Variants in WRN observed in about 807,000 individuals in gnomAD.
WRN encodes the protein WRN RecQ like helicase.
In WRN, 149 loss-of-function variants were observed where a neutral mutation model predicts 180.7. That is an observed-to-expected ratio of 0.82 (90% CI 0.72 to 0.94). The LOEUF is 0.94. Ranked by LOEUF, WRN falls within the 40% of genes least tolerant of loss-of-function variation. The pLI, the probability that WRN is intolerant of heterozygous loss-of-function variation, is 0.00. For synonymous variants in WRN, 548 were observed against 568.9 expected (o/e 0.96, Z 0.52); for missense variants, 1,661 against 1,700.1 (o/e 0.98, Z 0.40).
intron 10 of WRN, 91 bp from the exon 11 acceptor site, chr8:31,085,075 A>G (rs1419284377): frequency 1.7e-6 from 2 of 1,186,234 alleles, no homozygotes; most frequent in African/African-American, 3.1e-5. Context: ...AGCTGTCTAA[A>G]GATATCTAGT....
At chr8:31,165,781 G>T (rs11574391) in intron 33 of WRN, among the ~76,000 whole-genome samples, 88 of 151,980 alleles carry the variant, frequency 5.8e-4, no homozygotes, top group African/African-American at 1.8e-3. Flanking sequence ...AAGTAAATTG[G>T]GATACATACA....
chr8:31,093,974 A>C (rs1041685430), intron 16 of WRN, among the ~76,000 whole-genome samples: 3 of 152,226 alleles, frequency 2.0e-5, no homozygotes, highest in Admixed American at 6.5e-5. Context: ...CATTTTATGG[A>C]TATCCAACAA....
rs112233899 is a variant in WRN at position 31,103,927 on chromosome 8, C to T, written c.2088+2972C>T. On this transcript the variant is annotated intron_variant, in intron 18 of 34. Coordinates refer to ENST00000298139, the MANE Select transcript of WRN (RefSeq NM_000553.6). ...TTTTTTGTATTTTTAGTAGAGGCAG[C>T]GTTTCACCGTGTTAGCCAGGATGGT... 1.9e-3 allele frequency among the ~76,000 whole-genome samples: 287 copies of T among 151,878 alleles called. 2 individuals are homozygous for T. Among genetic ancestry groups the T allele is most frequent in the African/African-American group, 6.6e-3 (272 of 41,426 alleles).
chr8:31,141,996 C>T (rs998476355), intron 26 of WRN, among the ~76,000 whole-genome samples: 10 of 151,754 alleles, frequency 6.6e-5, no homozygotes, highest in African/African-American at 2.4e-4. Flanking sequence ...GTTGCTCAAG[C>T]TGGAGTGCAG....
At chr8:31,094,779 A>G (rs1244659528) in intron 16 of WRN, among the ~76,000 whole-genome samples, 1 of 152,226 alleles carries the variant, frequency 6.6e-6, no homozygotes, top group Non-Finnish European at 1.5e-5. Flanking sequence ...CACTTAGCAT[A>G]GTGATATCAG....
chr8:31,156,798 A>C (rs1209156570), intron 32 of WRN, among the ~76,000 whole-genome samples: 1 of 152,236 alleles, frequency 6.6e-6, no homozygotes, highest in East Asian at 1.9e-4. Context: ...GAAGTTCAAT[A>C]GTAGGAAAAT....
chr8:31,091,982 G>A (rs1361663871), intron 16 of WRN, 84 bp downstream of exon 16: 2 of 1,258,618 alleles, frequency 1.6e-6, no homozygotes, highest in East Asian at 4.8e-5. Flanking sequence ...ATTACATGTT[G>A]CTGAGGAAGT....
chr8:31,059,336 T>C lies in WRN; in HGVS notation c.209+71T>C. ...GAAGGTACTATTATGGTAATGTTTG[T>C]GAATATACTGAGTTTTACAGGTGAG... is the stretch of plus-strand genomic sequence containing the variant. On this transcript the variant is annotated intron_variant, in intron 3 of 34. Transcript: ENST00000298139. The C allele has an allele frequency of 5.6e-6, 7 of 1,257,752 alleles. No homozygotes were observed. In the East Asian group the frequency reaches 1.4e-4, roughly 25 times the overall value. 77.9% of individuals were successfully genotyped at this position (1,257,752 alleles called of 1,614,324 possible). A position where few individuals can be genotyped will look rare whatever the true frequency, so the allele number is the denominator to read the frequency against.
chr8:31,120,178 G>A lies in WRN; in HGVS notation c.2449-65G>A. The A allele has an allele frequency of 3.8e-6, 6 of 1,579,366 alleles. No individual in the cohort carries two copies. The East Asian group carries it at 6.7e-5, about 18-fold the overall frequency. On this transcript the variant is annotated intron_variant, in intron 20 of 34. Transcript: ENST00000298139. ...ACGAACAAATTATTCTTACAAAAAGGTATAAATGTAAGGTTTTCATTCTGC... is the reference window on the plus strand; with the variant it reads ...ACGAACAAATTATTCTTACAAAAAGATATAAATGTAAGGTTTTCATTCTGC...
At chr8:31,152,530 A>AT (rs779224838) in intron 31 of WRN, among the ~76,000 whole-genome samples, 4 of 152,066 alleles carry the variant, frequency 2.6e-5, no homozygotes, top group Non-Finnish European at 4.4e-5. Flanking sequence ...TGTTTGATAT[A>AT]TCCCACAATA....
chr8:31,165,680 T>C (rs1244528336), intron 33 of WRN, among the ~76,000 whole-genome samples: 1 of 152,142 alleles, frequency 6.6e-6, no homozygotes, highest in African/African-American at 2.4e-5. Flanking sequence ...TGTTTAGCTT[T>C]TGTAAAATTT....
intron 24 of WRN, among the ~76,000 whole-genome samples, chr8:31,136,564 G>A (rs1802403687): frequency 6.6e-6 from 1 of 152,138 alleles, no homozygotes; most frequent in Non-Finnish European, 1.5e-5. Context: ...AATGGACATG[G>A]TAGCTCACAC....
chr8:31,126,312 G>C (rs1274074519), intron 23 of WRN, among the ~76,000 whole-genome samples: 1 of 152,092 alleles, frequency 6.6e-6, no homozygotes, highest in African/African-American at 2.4e-5. Flanking sequence ...GACTAGAATG[G>C]AATTAAACTA....
In WRN at chr8:31,067,043, C is replaced by A. The variant is rs777437332; in HGVS notation, c.515C>A (p.Thr172Lys). The A allele has an allele frequency of 3.1e-6, 5 of 1,613,646 alleles. No individual in the cohort carries two copies. In the Admixed American group the frequency reaches 8.3e-5, roughly 27 times the overall value. Reference sequence around the variant, plus strand: ...TTTCATCATTTCTAGCTGAAATGCACAGAGACCTGGAGCCTTAACAGTCTG... The same window carrying A: ...TTTCATCATTTCTAGCTGAAATGCAAAGAGACCTGGAGCCTTAACAGTCTG... ...TDVANKKLKC[T>K]ETWSLNSLVK... is the part of the protein sequence containing the mutation. The change falls in exon 6 of 35, where the codon ACA becomes AAA. Residue 172 changes from threonine to lysine, a missense_variant. Thr to Lys is a moderately conservative substitution (Grantham distance 78). Around this residue, in one of 3 missense-constraint regions of WRN, gnomAD observed 500 missense variants for 504.1 expected, o/e 0.99. Coordinates refer to ENST00000298139, the MANE Select transcript of WRN (RefSeq NM_000553.6).
At chr8:31,169,566 G>C (rs1804026909) in intron 34 of WRN, among the ~76,000 whole-genome samples, 1 of 152,024 alleles carries the variant, frequency 6.6e-6, no homozygotes, top group Non-Finnish European at 1.5e-5. Flanking sequence ...AGTCTTTCTG[G>C]TGTCAAAGAT....
chr8:31,116,842 A>AG (rs1801542025), intron 20 of WRN, among the ~76,000 whole-genome samples: 1 of 152,262 alleles, frequency 6.6e-6, no homozygotes, highest in Admixed American at 6.5e-5. Context: ...GTAGGTGATG[A>AG]GGGGAAAGGA....
chr8:31,063,314 C>T (rs987212595), intron 3 of WRN, among the ~76,000 whole-genome samples: 1 of 152,168 alleles, frequency 6.6e-6, no homozygotes, highest in Non-Finnish European at 1.5e-5. Flanking sequence ...TCCATTTTAA[C>T]TGTTATATCT....
intron 11 of WRN, among the ~76,000 whole-genome samples, chr8:31,085,658 TG>T (rs1384133866): frequency 2.0e-5 from 3 of 151,900 alleles, no homozygotes; most frequent in Non-Finnish European, 4.4e-5. Flanking sequence ...TTTGTAGAGA[TG>T]GGGTTTCACC....
intron 30 of WRN, among the ~76,000 whole-genome samples, chr8:31,149,187 G>A (rs555779699): frequency 6.6e-6 from 1 of 152,068 alleles, no homozygotes; most frequent in Non-Finnish European, 1.5e-5. Flanking sequence ...CACGAGGTTA[G>A]GAGATCGAGG....
Sources: allele counts gnomAD v4.1 joint callset (sites outside exome capture counted in the v4.1 genomes callset), GRCh38; gene constraint gnomAD v4.1.1; regional missense constraint gnomAD v4.1.1; transcripts MANE v1.5; gene names NCBI Gene and HGNC (gene_info 2026-07-23, HGNC 2026-07-21).